The following FAT3 variants were observed in gnomAD, a reference collection of about 807,000 sequenced individuals.
The protein encoded by FAT3 is FAT atypical cadherin 3, also known as protocadherin Fat 3.
A neutral mutation model predicts 310.2 loss-of-function variants in FAT3; 95 were observed. That is an observed-to-expected ratio of 0.31 (90% CI 0.26 to 0.36). The LOEUF is 0.36. Ranked by LOEUF, FAT3 falls within the 10% of genes least tolerant of loss-of-function variation. The pLI, the probability that FAT3 is intolerant of heterozygous loss-of-function variation, is 1.00. For synonymous variants in FAT3, 2,314 were observed against 2,192.9 expected (o/e 1.06, Z -1.54); for missense variants, 5,408 against 5,715.6 (o/e 0.95, Z 1.74).
chr11:92,291,839 T>C (rs771077134), intron 1 of FAT3, among the ~76,000 whole-genome samples: 19 of 152,244 alleles, frequency 1.2e-4, no homozygotes, highest in Middle Eastern at 3.4e-3. Context: ...CTGCTTCCTG[T>C]CCTGTTAAAA....
intron 3 of FAT3, among the ~76,000 whole-genome samples, chr11:92,526,943 T>C (rs926798186): frequency 2.0e-5 from 3 of 152,200 alleles, no homozygotes; most frequent in African/African-American, 7.2e-5. Context: ...ATTGTACCTA[T>C]TACTTTTCAA....
chr11:92,704,559 A>G (rs1944208146), intron 4 of FAT3, among the ~76,000 whole-genome samples: 2 of 152,178 alleles, frequency 1.3e-5, no homozygotes, highest in Middle Eastern at 3.2e-3. Context: ...CCCTAATCCA[A>G]TATGGCTGAC....
At chr11:92,805,434 G>C (rs1947477187) in intron 11 of FAT3, 85 bp downstream of exon 11, 2 of 1,423,080 alleles carry the variant, frequency 1.4e-6, no homozygotes, top group Non-Finnish European at 1.9e-6. Context: ...CTTAAGGCCA[G>C]GCAAACTTCT....
At chr11:92,737,417 C>G (rs1945384171) in intron 4 of FAT3, among the ~76,000 whole-genome samples, 1 of 152,020 alleles carries the variant, frequency 6.6e-6, no homozygotes, top group Non-Finnish European at 1.5e-5. Context: ...TAATTGGATC[C>G]TAATCCCTAT....
chr11:92,507,914 T>C (rs1953170675), intron 2 of FAT3, among the ~76,000 whole-genome samples: 1 of 151,998 alleles, frequency 6.6e-6, no homozygotes, highest in Admixed American at 6.6e-5. Flanking sequence ...TGTACCAAAG[T>C]ATGACATTGG....
intron 1 of FAT3, among the ~76,000 whole-genome samples, chr11:92,340,807 C>T (rs1000331610): frequency 1.7e-4 from 26 of 152,126 alleles, no homozygotes; most frequent in African/African-American, 3.1e-4. Flanking sequence ...GGCTTATATG[C>T]ACCAGTCAAT....
intron 13 of FAT3, among the ~76,000 whole-genome samples, chr11:92,812,606 C>A: frequency 6.7e-6 from 1 of 149,938 alleles, no homozygotes. Context: ...AAGAAGGAAA[C>A]AAGGAAAGAA....
chr11:92,257,709 C>G (rs1296438556), intron 1 of FAT3, among the ~76,000 whole-genome samples: 1 of 152,130 alleles, frequency 6.6e-6, no homozygotes, highest in African/African-American at 2.4e-5. Context: ...CTCAGAATTA[C>G]ATAACTCGAT....
At chr11:92,809,027 A>G (rs546183323) in intron 12 of FAT3, among the ~76,000 whole-genome samples, 12 of 152,340 alleles carry the variant, frequency 7.9e-5, no homozygotes, top group South Asian at 4.1e-4. Flanking sequence ...TTCATGAGTC[A>G]TACTTTCCAC....
intron 3 of FAT3, among the ~76,000 whole-genome samples, chr11:92,581,480 A>G (rs1938795529): frequency 6.6e-6 from 1 of 151,978 alleles, no homozygotes; most frequent in South Asian, 2.1e-4. Context: ...TTTAGGTCCT[A>G]CTTCAAGATG....
At chr11:92,250,975 A>G (rs1565179619) in intron 1 of FAT3, among the ~76,000 whole-genome samples, 3 of 152,144 alleles carry the variant, frequency 2.0e-5, no homozygotes, top group Non-Finnish European at 1.5e-5. Flanking sequence ...AGTCAAATCA[A>G]TGGAGTGATG....
chr11:92,451,214 G>A (rs1026865879), intron 2 of FAT3, among the ~76,000 whole-genome samples: 7 of 152,128 alleles, frequency 4.6e-5, no homozygotes, highest in African/African-American at 1.7e-4. Context: ...GCCTTGTGTG[G>A]TGAAGAAGGG....
chr11:92,388,253 A>G (rs1345058706), intron 2 of FAT3, among the ~76,000 whole-genome samples: 1 of 152,144 alleles, frequency 6.6e-6, no homozygotes, highest in East Asian at 1.9e-4. Flanking sequence ...TTGTGGCTGA[A>G]TCTATCTGGT....
chr11:92,700,439 C>T (rs536870233), intron 4 of FAT3, among the ~76,000 whole-genome samples: 6 of 152,120 alleles, frequency 3.9e-5, no homozygotes, highest in South Asian at 4.2e-4. Flanking sequence ...GGTCAGAGAC[C>T]GGCTTGGGGT....
intron 2 of FAT3, among the ~76,000 whole-genome samples, chr11:92,426,970 A>G (rs1389150742): frequency 6.6e-6 from 1 of 152,150 alleles, no homozygotes; most frequent in Non-Finnish European, 1.5e-5. Flanking sequence ...TTTGGGTAGT[A>G]TGGCCATTTT....
rs1440088788 is a variant in FAT3 at position 92,229,510 on chromosome 11, T to TTTTTTTTTTTTTTTTTTTTTTTTTC, written c.-18+4339_-18+4340insTTTTTTTTTTTTTTTTTTTTTCTTT. Among the ~76,000 whole-genome samples the TTTTTTTTTTTTTTTTTTTTTTTTTC allele has an allele frequency of 1.0e-4, 8 of 77,142 alleles. 1 individual carries two copies. The highest frequency in any genetic ancestry group is 2.8e-4 in the African/African-American group (7 of 25,092). The allele number at this position is 77,142 out of a possible 152,430, so 50.6% of individuals were successfully genotyped here. A position where few individuals can be genotyped will look rare whatever the true frequency, so the allele number is the denominator to read the frequency against. The stretch of plus-strand genomic sequence containing the variant: ...TTTTCGTGTTTTTTTTTTTTTTGTT[T>TTTTTTTTTTTTTTTTTTTTTTTTTC]TTTGTTTTTTTTTACATTGCCTCCC... On this transcript the variant is annotated intron_variant, in intron 1 of 27. Transcript: ENST00000525166.
Position 92,799,033 on chromosome 11 carries a change from T to C in FAT3, c.6020T>C (p.Val2007Ala), listed in dbSNP as rs563450153. Residue 2007 changes from valine (V) to alanine (A), a missense_variant, in exon 10 of 28, where the codon GTT (valine) becomes GCT (alanine). Physicochemically the swap from Val to Ala is moderately conservative, Grantham distance 64 (BLOSUM62 0). Coordinates refer to ENST00000525166, the MANE Select transcript of FAT3 (RefSeq NM_001367949.2). ...NITKVAIVNA[V>A]GNRLNEPLKY... ...ACCAAAGTTGCTATTGTCAATGCAGTTGGAAATCGCCTTAATGAGCCCTTA... is the reference window on the plus strand; with the variant it reads ...ACCAAAGTTGCTATTGTCAATGCAGCTGGAAATCGCCTTAATGAGCCCTTA... 1.2e-6 allele frequency: 2 copies of C among 1,613,928 alleles called. No homozygotes were observed. Among genetic ancestry groups the C allele is most frequent in the East Asian group, 2.2e-5 (1 of 44,876 alleles).
At chr11:92,739,414 C>A (rs1403782501) in intron 4 of FAT3, among the ~76,000 whole-genome samples, 1 of 152,140 alleles carries the variant, frequency 6.6e-6, no homozygotes, top group African/African-American at 2.4e-5. Context: ...ATTCCTATTG[C>A]CTTAAAGCCT....
intron 1 of FAT3, among the ~76,000 whole-genome samples, chr11:92,281,217 C>G (rs1946412041): frequency 6.6e-6 from 1 of 152,026 alleles, no homozygotes; most frequent in Non-Finnish European, 1.5e-5. Flanking sequence ...GTACATTACT[C>G]TCTGTATGTT....
Sources: allele counts gnomAD v4.1 joint callset (sites outside exome capture counted in the v4.1 genomes callset), GRCh38; gene constraint gnomAD v4.1.1; transcripts MANE v1.5; gene names NCBI Gene and HGNC (gene_info 2026-07-23, HGNC 2026-07-21).